BMPR2: variants seen among roughly 807,000 people sequenced by gnomAD.
BMPR2 encodes the protein bone morphogenetic protein receptor type 2, also known as bone morphogenetic protein receptor type-2.
BMPR2 carries 29 observed loss-of-function variants against 100.8 expected under a neutral mutation model. The observed-to-expected ratio is 0.29, with a 90% confidence interval of 0.21 to 0.39. The LOEUF (loss-of-function observed/expected upper bound fraction) is 0.39. BMPR2 is among the 10% of genes least tolerant of loss of function. The pLI is 1.00. For synonymous variants in BMPR2, 382 were observed against 442.3 expected, an observed-to-expected ratio of 0.86 and a Z score of 1.71; for missense variants, 1,011 against 1,274.5, an observed-to-expected ratio of 0.79 and a Z score of 3.15.
At chr2:202,469,843 G>A (rs1045354421) in intron 3 of BMPR2, among the ~76,000 whole-genome samples, 4 of 151,920 alleles carry the variant, frequency 2.6e-5, no homozygotes, top group African/African-American at 9.7e-5. Context: ...GAAAGATAAG[G>A]GGGGGAAAAA....
chr2:202,451,316 G>C (rs945825193), intron 1 of BMPR2, among the ~76,000 whole-genome samples: 2 of 152,118 alleles, frequency 1.3e-5, no homozygotes, highest in Non-Finnish European at 2.9e-5. Flanking sequence ...AAATTCCCCT[G>C]AACTATATGT....
intron 10 of BMPR2, among the ~76,000 whole-genome samples, chr2:202,543,120 T>A (rs1374685031): frequency 6.9e-6 from 1 of 144,186 alleles, no homozygotes; most frequent in Non-Finnish European, 1.5e-5. Flanking sequence ...GAGATTGCAA[T>A]GAGCCGAGAT....
At chr2:202,443,081 T>C (rs1450412827) in intron 1 of BMPR2, among the ~76,000 whole-genome samples, 1 of 150,546 alleles carries the variant, frequency 6.6e-6, no homozygotes, top group East Asian at 1.9e-4. Context: ...AGACACCAGA[T>C]CTTTTTTCTA....
chr2:202,476,080 TAAAAAAAAAAAAAAAA>T (rs56243938), intron 3 of BMPR2, among the ~76,000 whole-genome samples: 26 of 95,378 alleles, frequency 2.7e-4, no homozygotes, highest in African/African-American at 1.0e-3. Flanking sequence ...GTCTCAAGGT[TAAAAAAAAAAAAAAAA>T]AAAAAAAAAA....
rs1394524865 is a variant in BMPR2, at chr2:202,556,099, A to G, written c.2434A>G (p.Arg812Gly). The change falls in exon 12 of 13, where the codon AGA becomes GGA. Residue 812 changes from arginine (R) to glycine (G), a missense_variant. By Grantham distance (125) the Arg-to-Gly change is moderately radical (BLOSUM62 -2). Transcript: ENST00000374580. ...VTVTMNGVAG[R>G]NHSVNSHAAT... ...AGTCACCATGAATGGTGTGGCAGGT[A>G]GAAACCACAGTGTTAACTCCCATGC... is the stretch of plus-strand genomic sequence containing the variant. 6.2e-7 allele frequency: 1 copy of G among 1,614,192 alleles called. No individual in the cohort carries two copies. Among genetic ancestry groups the G allele is most frequent in the East Asian group, 2.2e-5 (1 of 44,888 alleles).
intron 1 of BMPR2, among the ~76,000 whole-genome samples, chr2:202,451,223 T>C (rs1691972693): frequency 6.6e-6 from 1 of 152,240 alleles, no homozygotes; most frequent in Admixed American, 6.5e-5. Flanking sequence ...TATTCACTTA[T>C]AGATCCTACT....
rs538211682 is a variant in BMPR2, at chr2:202,378,118, T to C, written c.76+568T>C. ...GTGAGATTCTTGATATATTGTATTA[T>C]ACGGTTTGATAACTTTACTGTTAGT... On this transcript the variant is annotated intron_variant, in intron 1 of 12. Coordinates refer to ENST00000374580, the MANE Select transcript of BMPR2 (RefSeq NM_001204.7). 3.9e-4 allele frequency among the ~76,000 whole-genome samples: 60 copies of C among 152,368 alleles called. 1 individual carries two copies. The South Asian group carries it at 0.012, about 32-fold the overall frequency.
intron 1 of BMPR2, among the ~76,000 whole-genome samples, chr2:202,431,140 T>C (rs1053844530): frequency 6.6e-6 from 1 of 150,626 alleles, no homozygotes; most frequent in African/African-American, 2.5e-5. Context: ...AAAGAAATTT[T>C]AAGTAACAGT....
At chr2:202,463,731 C>G (rs1692266160) in intron 1 of BMPR2, among the ~76,000 whole-genome samples, 1 of 152,116 alleles carries the variant, frequency 6.6e-6, no homozygotes, top group Non-Finnish European at 1.5e-5. Flanking sequence ...GGCAAATGTT[C>G]TACAAAAATT....
At chr2:202,534,878 C>A (rs1467073887) in intron 9 of BMPR2, among the ~76,000 whole-genome samples, 6 of 143,126 alleles carry the variant, frequency 4.2e-5, no homozygotes, top group South Asian at 2.2e-4. Flanking sequence ...CCCTCCCGGA[C>A]GGGGCGGCTG....
At chr2:202,481,048 A>G (rs942671136) in intron 3 of BMPR2, among the ~76,000 whole-genome samples, 1 of 151,990 alleles carries the variant, frequency 6.6e-6, no homozygotes, top group Non-Finnish European at 1.5e-5. Context: ...CAATATGTCA[A>G]GGATCCATTG....
chr2:202,524,839 C>G (rs1687879398), intron 7 of BMPR2, among the ~76,000 whole-genome samples: 1 of 151,902 alleles, frequency 6.6e-6, no homozygotes, highest in African/African-American at 2.4e-5. Flanking sequence ...ACGAGACCAG[C>G]CTGGCCAACA....
intron 1 of BMPR2, among the ~76,000 whole-genome samples, chr2:202,405,654 C>T (rs937237739): frequency 7.1e-6 from 1 of 140,190 alleles, no homozygotes; most frequent in Non-Finnish European, 1.5e-5. Flanking sequence ...AGCCATTGCA[C>T]TCCAGCCTGA....
At chr2:202,485,654 C>A (rs535845219) in intron 3 of BMPR2, among the ~76,000 whole-genome samples, 44 of 147,848 alleles carry the variant, frequency 3.0e-4, no homozygotes, top group African/African-American at 1.0e-3. Context: ...TCAACGGATT[C>A]TTCTGCCTCA....
At chr2:202,511,680 A>G (rs987463493) in intron 3 of BMPR2, among the ~76,000 whole-genome samples, 1 of 152,000 alleles carries the variant, frequency 6.6e-6, no homozygotes, top group Non-Finnish European at 1.5e-5. Flanking sequence ...CTTACTCTGT[A>G]TGTTAAAAGG....
At chr2:202,480,094 C>CT (rs541455862) in intron 3 of BMPR2, among the ~76,000 whole-genome samples, 2 of 151,904 alleles carry the variant, frequency 1.3e-5, no homozygotes, top group African/African-American at 4.8e-5. Flanking sequence ...TCTAATTTAT[C>CT]TTTTTTTATT....
At chr2:202,442,714 A>G (rs1210817300) in intron 1 of BMPR2, among the ~76,000 whole-genome samples, 1 of 150,656 alleles carries the variant, frequency 6.6e-6, no homozygotes, top group Non-Finnish European at 1.5e-5. Context: ...TGTGACTGGT[A>G]CACTTCTCTT....
At chr2:202,481,797 G>A (rs1000608743) in intron 3 of BMPR2, among the ~76,000 whole-genome samples, 2 of 152,134 alleles carry the variant, frequency 1.3e-5, no homozygotes, top group Non-Finnish European at 2.9e-5. Flanking sequence ...TGCATGTAGT[G>A]TATGTACGTT....
intron 10 of BMPR2, among the ~76,000 whole-genome samples, chr2:202,547,819 C>T (rs1356781106): frequency 6.7e-6 from 1 of 149,106 alleles, no homozygotes; most frequent in Non-Finnish European, 1.5e-5. Context: ...CACGGCAGCT[C>T]ATGCCTATAA....
Sources: gnomAD v4.1 joint callset for allele counts (sites outside exome capture counted in the v4.1 genomes callset) on GRCh38, gnomAD v4.1.1 for gene constraint, MANE v1.5 for transcripts, NCBI Gene and HGNC (gene_info 2026-07-23, HGNC 2026-07-21) for gene names.